Variants in GTPBP2 observed in about 807,000 individuals in gnomAD.
GTPBP2 encodes GTP binding protein 2, also known as GTP-binding protein 2.
Under a neutral mutation model 63.0 loss-of-function variants are expected in GTPBP2, and 32 were observed. The observed-to-expected ratio is 0.51, with a 90% CI of 0.38 to 0.68. The LOEUF (loss-of-function observed/expected upper bound fraction) is 0.68, where lower values mean the gene tolerates loss of function less well. GTPBP2 is among the 30% of genes least tolerant of loss of function. GTPBP2 has a pLI of 0.00. For missense variants in GTPBP2, 492 were observed against 796.9 expected (o/e 0.62, Z 4.61); for synonymous variants, 310 against 322.6 (o/e 0.96, Z 0.42).
chr6:43,626,934 G>A lies in GTPBP2; in HGVS notation c.201C>T (p.Asn67=). 6.2e-7 allele frequency: 1 copy of A among 1,612,810 alleles called. No individual in the cohort carries two copies. The highest frequency in any genetic ancestry group is 1.3e-5 in the African/African-American group (1 of 74,976). The change falls in exon 2 of 12, where the codon AAC becomes AAT. Residue 67 remains asparagine (N), a synonymous_variant. Coordinates refer to ENST00000307126, the MANE Select transcript of GTPBP2 (RefSeq NM_019096.5). The surrounding 1 kb of genome is among the most constrained non-coding windows in gnomAD (Gnocchi z 4.0). ...PYLPPEAEDG[N]IEYKLKLVNP... The stretch of plus-strand genomic sequence containing the variant: ...GCCTAGGACTCACTTTATATTCAAT[G>A]TTTCCATCTTCAGCCTGAAAAGAAA...
In GTPBP2 at chr6:43,625,695, C is replaced by G. The variant is rs1208026385; in HGVS notation, c.507+61G>C. On this transcript the variant is annotated intron_variant, in intron 4 of 11. Coordinates refer to ENST00000307126, the MANE Select transcript of GTPBP2 (RefSeq NM_019096.5). The surrounding 1 kb of genome is among the most constrained non-coding windows in gnomAD (Gnocchi z 5.1). ...CCAGGATCCCAGGCCAGGAGACAGC[C>G]TGCCACCACAGGGCCCTTCCACAGT... is the stretch of plus-strand genomic sequence containing the variant. 1.1e-5 allele frequency: 16 copies of G among 1,462,202 alleles called. No individual in the cohort carries two copies. The highest frequency in any genetic ancestry group is 1.4e-5 in the Non-Finnish European group (15 of 1,041,560). 90.6% of individuals were successfully genotyped at this position (1,462,202 alleles called of 1,614,324 possible). A position where few individuals can be genotyped will look rare whatever the true frequency, so the allele number is the denominator to read the frequency against.
At chr6:43,630,908 C>CAAAAAAAAAAAA (rs753239311), upstream of GTPBP2, among the ~76,000 whole-genome samples, 2 of 53,602 alleles carry the variant, frequency 3.7e-5, no homozygotes, top group African/African-American at 1.4e-4. Context: ...GACTTCGTCT[C>CAAAAAAAAAAAA]AAAAAAAAAA....
At chr6:43,628,478 G>GTA in intron 1 of GTPBP2, 1 of 623,850 alleles carries the variant, frequency 1.6e-6, no homozygotes, top group Non-Finnish European at 2.0e-6. Context: ...GGCTGTGTGT[G>GTA]TGTGTGTGTG....
chr6:43,630,206 T>G (rs1769818336), upstream of GTPBP2, among the ~76,000 whole-genome samples: 1 of 152,206 alleles, frequency 6.6e-6, no homozygotes, highest in African/African-American at 2.4e-5. Context: ...GACTCTCTTG[T>G]GAAGCAATCT....
upstream of GTPBP2, among the ~76,000 whole-genome samples, chr6:43,630,171 G>A (rs568847618): frequency 6.6e-6 from 1 of 152,216 alleles, no homozygotes; most frequent in Non-Finnish European, 1.5e-5. Context: ...ACTTGGCCTA[G>A]GGCCACAGGG....
chr6:43,628,736 G>T, intron 1 of GTPBP2: 1 of 751,760 alleles, frequency 1.3e-6, no homozygotes, highest in African/African-American at 1.7e-5. Flanking sequence ...GGGTAATCTA[G>T]ATCAGAAGGG....
Position 43,625,553 on chromosome 6 carries a change from T to C in GTPBP2, c.515A>G (p.Asp172Gly). Reference sequence around the variant, plus strand: ...ATTCCCCAGGACGGCCACACGGAGGTCTAGGAACTGTGGATGAATTGCCAG... The same window carrying C: ...ATTCCCCAGGACGGCCACACGGAGGCCTAGGAACTGTGGATGAATTGCCAG... ...RKVPDNQQFL[D>G]LRVAVLGNVD... Residue 172 changes from aspartate (D) to glycine (G), a missense_variant, in exon 5 of 12, where the codon GAC (aspartate) becomes GGC (glycine). Physicochemically the swap from Asp to Gly is moderately conservative, Grantham distance 94 (BLOSUM62 -1). This residue lies in a region of GTPBP2 where 400 missense variants were observed against 710.8 expected (regional missense o/e 0.56). Transcript: ENST00000307126. The surrounding 1 kb of genome is among the most constrained non-coding windows in gnomAD (Gnocchi z 5.1). 1 of 1,612,420 alleles carries C rather than the reference T, an allele frequency of 6.2e-7. No individual in the cohort carries two copies. Among genetic ancestry groups the C allele is most frequent in the Non-Finnish European group, 8.5e-7 (1 of 1,178,754 alleles).
At chr6:43,621,867 C>T (rs1334240026) in intron 11 of GTPBP2, 77 bp from the exon 12 acceptor site, 1 of 1,608,892 alleles carries the variant, frequency 6.2e-7, no homozygotes, top group Admixed American at 1.7e-5. Context: ...CTCCACCCTC[C>T]AGAGGCCTAT....
intron 9 of GTPBP2, chr6:43,623,354 C>T (rs113966035): frequency 3.4e-5 from 7 of 208,264 alleles, no homozygotes; most frequent in African/African-American, 1.6e-4. Flanking sequence ...CGCTCCACTG[C>T]AATCCAGCCT....
upstream of GTPBP2, among the ~76,000 whole-genome samples, chr6:43,630,045 T>A (rs923798827): frequency 2.0e-5 from 3 of 152,130 alleles, no homozygotes; most frequent in Admixed American, 2.0e-4. Context: ...CGGGAAGAAC[T>A]GAGTTTGGTT....
chr6:43,622,147 C>T lies in GTPBP2; in HGVS notation c.1488G>A (p.Pro496=), dbSNP rs1030619499. ...CCGAGCAGATGGTAGGATTCATCTC[C>T]GGGCTCACCATCACCATGCCCTGGG... The part of the protein sequence containing the change: ...LLRKGMVMVS[P]EMNPTICSVF... Residue 496 remains proline (P), a synonymous_variant, in exon 11 of 12, where the codon CCG becomes CCA. Coordinates refer to ENST00000307126, the MANE Select transcript of GTPBP2 (RefSeq NM_019096.5). This position sits in a 1 kb window ranked among gnomAD's most constrained non-coding sequence, Gnocchi z 5.4. 1.4e-5 allele frequency: 22 copies of T among 1,612,168 alleles called. No individual in the cohort carries two copies. Among genetic ancestry groups the T allele is most frequent in the South Asian group, 5.5e-5 (5 of 91,068 alleles).
At chr6:43,621,885 C>G in intron 11 of GTPBP2, 95 bp from the exon 12 acceptor site, 1 of 1,602,958 alleles carries the variant, frequency 6.2e-7, no homozygotes, top group Non-Finnish European at 8.5e-7. Flanking sequence ...TATCAGGCCG[C>G]TACCCACCCT....
rs1368476279 is a variant in GTPBP2, at chr6:43,623,982, G to A, written c.1187C>T (p.Thr396Ile). 2 of 1,614,158 alleles carry A rather than the reference G, an allele frequency of 1.2e-6. No individual in the cohort carries two copies. The highest frequency in any genetic ancestry group is 1.7e-6 in the Non-Finnish European group (2 of 1,180,006). The change falls in exon 8 of 12, where the codon ACC becomes ATC. Residue 396 changes from threonine to isoleucine, a missense_variant. Transcript: ENST00000307126. ...KVFLNILPPLTNSKEQEELMQ... is the reference protein window; with the variant it reads ...KVFLNILPPLINSKEQEELMQ... ...GAGTTCCTCCTGCTCTTTGCTGTTGGTGAGTGGCGGCAGAATATTCAGAAA... is the reference window on the plus strand; with the variant it reads ...GAGTTCCTCCTGCTCTTTGCTGTTGATGAGTGGCGGCAGAATATTCAGAAA...
chr6:43,630,908 CAAAAAAA>C (rs753239311), upstream of GTPBP2, among the ~76,000 whole-genome samples: 4 of 53,624 alleles, frequency 7.5e-5, no homozygotes, highest in South Asian at 8.0e-4. Flanking sequence ...GACTTCGTCT[CAAAAAAA>C]AAAAAAAAAA....
In GTPBP2 at chr6:43,622,822, G is replaced by T; in HGVS notation, c.1296-18C>A. On this transcript the variant is annotated intron_variant, in intron 9 of 11. Transcript: ENST00000307126. This position sits in a 1 kb window ranked among gnomAD's most constrained non-coding sequence, Gnocchi z 5.4. The stretch of plus-strand genomic sequence containing the variant: ...AAATCCCACTGCAGCCCAGAGGGCA[G>T]GTGGCACAGTGTCAGCCAAGGTCCC... The T allele has an allele frequency of 6.3e-7, 1 of 1,599,604 alleles. No individual in the cohort carries two copies. The highest frequency in any genetic ancestry group is 8.5e-7 in the Non-Finnish European group (1 of 1,170,198).
At position 43,625,516 on chromosome 6, in the gene GTPBP2, C is replaced by T; in HGVS notation, c.552G>A (p.Gly184=). 6.2e-7 allele frequency: 1 copy of T among 1,614,078 alleles called. No individual in the cohort carries two copies. Among genetic ancestry groups the T allele is most frequent in the Non-Finnish European group, 8.5e-7 (1 of 1,179,952 alleles). Residue 184 remains glycine (G), a synonymous_variant, in exon 5 of 12, where the codon GGG becomes GGA. Coordinates refer to ENST00000307126, the MANE Select transcript of GTPBP2 (RefSeq NM_019096.5). The surrounding 1 kb of genome is among the most constrained non-coding windows in gnomAD (Gnocchi z 5.1). ...TCAGGACTCCAAGCAGAGTTGACTT[C>T]CCAGAGTCCACATTCCCCAGGACGG... ...RVAVLGNVDS[G]KSTLLGVLTQ...
chr6:43,629,288 C>T, upstream of GTPBP2: 1 of 683,074 alleles, frequency 1.5e-6, no homozygotes, highest in South Asian at 2.5e-5. Context: ...GCACAAGCTA[C>T]GCCCCCCACC....
Position 43,625,901 on chromosome 6 carries a change from G to T in GTPBP2, c.399-37C>A. On this transcript the variant is annotated intron_variant, in intron 3 of 11. Transcript: ENST00000307126. This position sits in a 1 kb window ranked among gnomAD's most constrained non-coding sequence, Gnocchi z 5.1. ...AGGCCACAGCTGCCATATCTCACCT[G>T]TCCTTCTCCTATTCCAGGCTCGCTC... 1 of 1,505,244 alleles carries T rather than the reference G, an allele frequency of 6.6e-7. No homozygotes were observed. The highest frequency in any genetic ancestry group is 9.3e-7 in the Non-Finnish European group (1 of 1,080,768). 93.2% of individuals were successfully genotyped at this position (1,505,244 alleles called of 1,614,324 possible). A position where few individuals can be genotyped will look rare whatever the true frequency, so the allele number is the denominator to read the frequency against.
chr6:43,625,691 CAGCCTGCCACCACA>C lies in GTPBP2; in HGVS notation c.507+51_507+64del. Reference sequence around the variant, plus strand: ...GCCCCCAGGATCCCAGGCCAGGAGACAGCCTGCCACCACAGGGCCCTTCCACAGTGTGGACATGA... The same window carrying C: ...GCCCCCAGGATCCCAGGCCAGGAGACGGGCCCTTCCACAGTGTGGACATGA... On this transcript the variant is annotated intron_variant, in intron 4 of 11. Transcript: ENST00000307126. The surrounding 1 kb of genome is among the most constrained non-coding windows in gnomAD (Gnocchi z 5.1). 1 of 1,446,556 alleles carries C rather than the reference CAGCCTGCCACCACA, an allele frequency of 6.9e-7. No homozygotes were observed. Among genetic ancestry groups the C allele is most frequent in the Non-Finnish European group, 9.7e-7 (1 of 1,027,318 alleles). The allele number at this position is 1,446,556 out of a possible 1,614,324, so 89.6% of individuals were successfully genotyped here. A position where few individuals can be genotyped will look rare whatever the true frequency, so the allele number is the denominator to read the frequency against.
Sources: gnomAD v4.1 joint callset for allele counts (sites outside exome capture counted in the v4.1 genomes callset) on GRCh38, gnomAD v4.1.1 for gene constraint, gnomAD v4.1.1 regional missense constraint, Gnocchi (gnomAD v3.1) non-coding constraint, MANE v1.5 for transcripts, NCBI Gene and HGNC (gene_info 2026-07-23, HGNC 2026-07-21) for gene names.